NFIB: variants seen among roughly 807,000 people sequenced by gnomAD.
The protein encoded by NFIB is nuclear factor I B, also known as nuclear factor 1 B-type.
Under a neutral mutation model 61.5 loss-of-function variants are expected in NFIB, and 11 were observed. The observed-to-expected ratio is 0.18, with a 90% CI of 0.11 to 0.30. The LOEUF (loss-of-function observed/expected upper bound fraction) is 0.30, where lower values mean the gene tolerates loss of function less well. Among genes scored for constraint, NFIB ranks in the 10% least tolerant of loss-of-function variants. The pLI, the probability that NFIB is intolerant of heterozygous loss-of-function variation, is 1.00. For synonymous variants in NFIB, 260 were observed against 216.5 expected (o/e 1.20, Z -1.76); for missense variants, 471 against 608.9 (o/e 0.77, Z 2.38).
the NFIB span, among the ~76,000 whole-genome samples, chr9:14,448,344 G>C: frequency 6.6e-6 from 1 of 152,006 alleles, no homozygotes; most frequent in Non-Finnish European, 1.5e-5. Context: ...TATAGTGGTA[G>C]GCATAATTAT....
At chr9:14,150,899 T>A (rs947749537) in intron 4 of NFIB, among the ~76,000 whole-genome samples, 1 of 152,168 alleles carries the variant, frequency 6.6e-6, no homozygotes, top group African/African-American at 2.4e-5. Context: ...GTGATTATTA[T>A]GCATTGTATG....
rs577473459 is a variant in NFIB, at chr9:14,385,022, G to C, written c.108+13502C>G. Among the ~76,000 whole-genome samples, 5 of 152,280 alleles carry C rather than the reference G, an allele frequency of 3.3e-5. No homozygotes were observed. In the South Asian group the frequency reaches 1.0e-3, roughly 32 times the overall value. ...TGTAAGTACATAGGCTTGCTGATTT[G>C]TCTGTATCAAATATGAGGCATTCGC... is the stretch of plus-strand genomic sequence containing the variant. On this transcript the variant is annotated intron_variant, in intron 1 of 8. Coordinates refer to the NFIB transcript ENST00000380934.
intron 2 of NFIB, among the ~76,000 whole-genome samples, chr9:14,280,940 A>T (rs1392141339): frequency 3.9e-5 from 6 of 152,318 alleles, no homozygotes; most frequent in African/African-American, 1.2e-4. Flanking sequence ...GAGATTCATT[A>T]AACTACAATA....
intron 2 of NFIB, among the ~76,000 whole-genome samples, chr9:14,188,210 T>G (rs535877056): frequency 1.3e-5 from 2 of 152,234 alleles, no homozygotes; most frequent in South Asian, 4.1e-4. Flanking sequence ...TTGCATAATA[T>G]GTTTTTGATT....
intron 9 of NFIB, among the ~76,000 whole-genome samples, chr9:14,115,772 G>A (rs1421135185): frequency 1.3e-5 from 2 of 152,134 alleles, no homozygotes; most frequent in African/African-American, 4.8e-5. Flanking sequence ...ACCTTACAGA[G>A]GCACTGATTC....
At chr9:14,373,973 G>A (rs537751164) in intron 1 of NFIB, among the ~76,000 whole-genome samples, 8 of 152,174 alleles carry the variant, frequency 5.3e-5, no homozygotes, top group Non-Finnish European at 7.3e-5. Context: ...GCAATTATGC[G>A]ATGTGATGAT....
the NFIB span, among the ~76,000 whole-genome samples, chr9:14,460,083 G>C: frequency 6.6e-6 from 1 of 152,118 alleles, no homozygotes; most frequent in Non-Finnish European, 1.5e-5. Flanking sequence ...GTTTATTGCA[G>C]CACTATTCAC....
chr9:14,510,649 AAAGT>A, the NFIB span, among the ~76,000 whole-genome samples: 63 of 152,292 alleles, frequency 4.1e-4, no homozygotes, highest in African/African-American at 1.4e-3. Context: ...TTTTATTTTA[AAAGT>A]AAGTTGAAAA....
upstream of NFIB, chr9:14,314,265 C>A: frequency 1.7e-6 from 1 of 600,970 alleles, no homozygotes; most frequent in Non-Finnish European, 2.1e-6. Context: ...AAGAGGCTCG[C>A]GGCGCGTGGT....
chr9:14,179,821 T>G, intron 2 of NFIB, 41 bp from the exon 3 acceptor site: 1 of 1,601,966 alleles, frequency 6.2e-7, no homozygotes, highest in Non-Finnish European at 8.5e-7. Context: ...TTTAATTTGT[T>G]TTGAAAGAAT....
At chr9:14,434,514 T>C in the NFIB span, among the ~76,000 whole-genome samples, 1 of 152,200 alleles carries the variant, frequency 6.6e-6, no homozygotes, top group Non-Finnish European at 1.5e-5. Flanking sequence ...AGACTTGCTT[T>C]TCCTACTAGG....
At chr9:14,204,986 G>C in intron 2 of NFIB, 1 of 301,910 alleles carries the variant, frequency 3.3e-6, no homozygotes. Context: ...CAAGCCTGTG[G>C]CTTACATTGC....
chr9:14,238,718 T>A (rs1164428468), intron 2 of NFIB, among the ~76,000 whole-genome samples: 1 of 152,170 alleles, frequency 6.6e-6, no homozygotes, highest in Non-Finnish European at 1.5e-5. Flanking sequence ...GACTCATGAC[T>A]CAGTGCTTTG....
rs137944917 is a variant in NFIB, at chr9:14,160,644, C to T, written c.617-4751G>A. ...GCAAAGGTAGCATAACCAATATATT[C>T]CCAACAACTGTGATGACCTTCACAA... On this transcript the variant is annotated intron_variant, in intron 3 of 10. Coordinates refer to ENST00000380953, the MANE Select transcript of NFIB (RefSeq NM_001190737.2). 1.9e-4 allele frequency among the ~76,000 whole-genome samples: 29 copies of T among 152,008 alleles called. No individual in the cohort carries two copies. The South Asian group carries it at 3.9e-3, about 21-fold the overall frequency.
At chr9:14,204,751 C>T in intron 2 of NFIB, 1 of 543,702 alleles carries the variant, frequency 1.8e-6, no homozygotes, top group South Asian at 2.0e-5. Flanking sequence ...TGGTTGTGTT[C>T]CTGCCTGCCC....
At position 14,150,152 on chromosome 9, in the gene NFIB, G is replaced by A. The variant is rs1030067060; in HGVS notation, c.799C>T (p.Pro267Ser). The change falls in exon 5 of 11, where the codon CCA (proline) becomes TCA (serine). Residue 267 changes from proline (P) to serine (S), a missense_variant. Pro to Ser is a moderately conservative substitution (Grantham distance 74, BLOSUM62 -1). Coordinates refer to ENST00000380953, the MANE Select transcript of NFIB (RefSeq NM_001190737.2). ...VNLQRSLSSP[P>S]SSKRPKTISI... ...CAGCCCTTCTTTCAGTACCTGCTTG[G>A]TGGAGAAGACAGAGACCTCTGAAGA... 26 of 1,613,270 alleles carry A rather than the reference G, an allele frequency of 1.6e-5. No individual in the cohort carries two copies. The highest frequency in any genetic ancestry group is 2.0e-5 in the Non-Finnish European group (24 of 1,179,474).
At chr9:14,318,286 A>G (rs2060585142), upstream of NFIB, among the ~76,000 whole-genome samples, 1 of 152,222 alleles carries the variant, frequency 6.6e-6, no homozygotes, top group Non-Finnish European at 1.5e-5. Context: ...TGGATTTTTC[A>G]AAACCCAGTT....
the NFIB span, among the ~76,000 whole-genome samples, chr9:14,457,018 C>T: frequency 6.6e-6 from 1 of 152,108 alleles, no homozygotes; most frequent in African/African-American, 2.4e-5. Flanking sequence ...ATGAATGAGA[C>T]AATTCTAAAT....
intron 1 of NFIB, among the ~76,000 whole-genome samples, chr9:14,368,051 T>C (rs1240703154): frequency 6.6e-6 from 1 of 151,980 alleles, no homozygotes; most frequent in Non-Finnish European, 1.5e-5. Flanking sequence ...TGTACACCTA[T>C]GTACACCATG....
Sources: allele counts gnomAD v4.1 joint callset (sites outside exome capture counted in the v4.1 genomes callset), GRCh38; gene constraint gnomAD v4.1.1; transcripts MANE v1.5; gene names NCBI Gene and HGNC (gene_info 2026-07-23, HGNC 2026-07-21).